The following PLPP4 variants were observed in gnomAD, a reference collection of about 807,000 sequenced individuals.
The protein encoded by PLPP4 is phospholipid phosphatase 4.
Under a neutral mutation model 32.2 loss-of-function variants are expected in PLPP4, and 20 were observed. The ratio of observed to expected loss-of-function variants is 0.62; its 90% CI spans 0.44 to 0.90. PLPP4 has a LOEUF of 0.90. PLPP4 is among the 40% of genes least tolerant of loss of function. The pLI, the probability that PLPP4 is intolerant of heterozygous loss-of-function variation, is 0.00. For missense variants in PLPP4, 257 were observed against 353.1 expected (o/e 0.73, Z 2.18); for synonymous variants, 127 against 133.0 (o/e 0.95, Z 0.31).
rs145561317 is a variant in PLPP4, at chr10:120,503,352, C to T, written c.57-466C>T. Reference sequence around the variant, plus strand: ...ACCCCTGCATCTCTGCCCCTTTCTTCCCCCCAGTTTTTCTCTTGGCAGTGA... The same window carrying T: ...ACCCCTGCATCTCTGCCCCTTTCTTTCCCCCAGTTTTTCTCTTGGCAGTGA... On this transcript the variant is annotated intron_variant, in intron 1 of 6. Transcript: ENST00000398250. 3.9e-3 allele frequency among the ~76,000 whole-genome samples: 592 copies of T among 152,308 alleles called. 7 individuals are homozygous for T. Among genetic ancestry groups the T allele is most frequent in the African/African-American group, 0.014 (568 of 41,560 alleles).
intron 1 of PLPP4, among the ~76,000 whole-genome samples, chr10:120,486,547 T>C (rs939239236): frequency 1.3e-5 from 2 of 152,244 alleles, no homozygotes; most frequent in African/African-American, 4.8e-5. Flanking sequence ...GGAATACATT[T>C]AAAGTGCTCA....
intron 5 of PLPP4, among the ~76,000 whole-genome samples, chr10:120,565,445 G>A (rs1848650896): frequency 6.6e-6 from 1 of 151,366 alleles, no homozygotes; most frequent in South Asian, 2.1e-4. Context: ...TGGAATTCTA[G>A]TTTGACAGTT....
intron 3 of PLPP4, among the ~76,000 whole-genome samples, chr10:120,517,976 G>A (rs1727692107): frequency 6.6e-6 from 1 of 152,188 alleles, no homozygotes; most frequent in African/African-American, 2.4e-5. Context: ...CAAAGCAGTG[G>A]ATGGGGCATC....
At chr10:120,512,722 A>G (rs574801670) in intron 2 of PLPP4, among the ~76,000 whole-genome samples, 13 of 152,334 alleles carry the variant, frequency 8.5e-5, no homozygotes, top group Admixed American at 5.9e-4. Context: ...CTGAGGCAGG[A>G]GAATTGCTTG....
At chr10:120,518,697 T>C in intron 3 of PLPP4, 136 bp from the exon 4 acceptor site, 1 of 654,946 alleles carries the variant, frequency 1.5e-6, no homozygotes, top group Non-Finnish European at 2.5e-6. Context: ...TATCTCTGTT[T>C]TCAAAGTATT....
rs1277364224 is a variant in PLPP4, at chr10:120,518,899, A to T, written c.320+3A>T. 6.2e-7 allele frequency: 1 copy of T among 1,608,734 alleles called. No individual in the cohort carries two copies. The highest frequency in any genetic ancestry group is 2.2e-5 in the East Asian group (1 of 44,782). ...ACTATTAAATTAATAGTGGGAAGGT[A>T]AGTTCCAAGAAGAATGAAATGGTGA... On this transcript the variant is annotated splice_donor_region_variant and intron_variant, in intron 4 of 6. Coordinates refer to ENST00000398250, the MANE Select transcript of PLPP4 (RefSeq NM_001030059.3).
chr10:120,489,915 TTA>T (rs1844635534), intron 1 of PLPP4, among the ~76,000 whole-genome samples: 1 of 152,104 alleles, frequency 6.6e-6, no homozygotes, highest in Admixed American at 6.5e-5. Context: ...CAACAAATAT[TTA>T]TTGAGCACCT....
intron 5 of PLPP4, among the ~76,000 whole-genome samples, chr10:120,553,590 C>T (rs957276409): frequency 2.6e-5 from 4 of 152,214 alleles, no homozygotes; most frequent in Admixed American, 2.6e-4. Flanking sequence ...ACAAATAGCA[C>T]AATGCAAATC....
chr10:120,487,393 G>A (rs370489026), intron 1 of PLPP4, among the ~76,000 whole-genome samples: 43 of 152,332 alleles, frequency 2.8e-4, no homozygotes, highest in Admixed American at 1.5e-3. Flanking sequence ...AAGCGGGATC[G>A]TTCTGATTGG....
At chr10:120,545,391 T>C (rs1263014986) in intron 5 of PLPP4, among the ~76,000 whole-genome samples, 1 of 152,230 alleles carries the variant, frequency 6.6e-6, no homozygotes, top group Non-Finnish European at 1.5e-5. Flanking sequence ...AAGGGACGAG[T>C]ATGATATTCT....
At chr10:120,499,175 T>C (rs1271723661) in intron 1 of PLPP4, among the ~76,000 whole-genome samples, 1 of 152,216 alleles carries the variant, frequency 6.6e-6, no homozygotes, top group Non-Finnish European at 1.5e-5. Flanking sequence ...CAAGGACGTC[T>C]GTCATTATGC....
chr10:120,508,127 G>C (rs1398336893), intron 2 of PLPP4, among the ~76,000 whole-genome samples: 2 of 152,056 alleles, frequency 1.3e-5, no homozygotes, highest in African/African-American at 4.8e-5. Context: ...TTGATACCAG[G>C]GTTTTCTATT....
At chr10:120,499,201 T>C (rs1325238877) in intron 1 of PLPP4, among the ~76,000 whole-genome samples, 1 of 152,236 alleles carries the variant, frequency 6.6e-6, no homozygotes, top group Non-Finnish European at 1.5e-5. Context: ...AGGAATATAC[T>C]GACACTTGCA....
At chr10:120,575,497 A>G (rs1849180758) in intron 6 of PLPP4, among the ~76,000 whole-genome samples, 196 bp downstream of exon 6, 1 of 152,184 alleles carries the variant, frequency 6.6e-6, no homozygotes, top group Non-Finnish European at 1.5e-5. Context: ...TGGGGAAAGA[A>G]TTGGAGCTCT....
At chr10:120,482,426 C>T (rs1844250094) in intron 1 of PLPP4, among the ~76,000 whole-genome samples, 1 of 152,064 alleles carries the variant, frequency 6.6e-6, no homozygotes, top group South Asian at 2.1e-4. Flanking sequence ...GCATTTTGCC[C>T]CTGCCCTAGA....
rs1308235029 is a variant in PLPP4 at position 120,591,073 on chromosome 10, G to C, written c.*1571G>C. ...CGTGAGCCACTGCACCTGGCCAAGA[G>C]TGTTGCTTTTGGGCAGTTAGCATAA... On this transcript the variant is annotated 3_prime_UTR_variant, in exon 7 of 7. Coordinates refer to ENST00000398250, the MANE Select transcript of PLPP4 (RefSeq NM_001030059.3). 6.6e-6 allele frequency among the ~76,000 whole-genome samples: 1 copy of C among 152,096 alleles called. No individual in the cohort carries two copies. The highest frequency in any genetic ancestry group is 1.5e-5 in the Non-Finnish European group (1 of 68,016).
At chr10:120,502,134 G>T (rs1462157858) in intron 1 of PLPP4, among the ~76,000 whole-genome samples, 2 of 152,194 alleles carry the variant, frequency 1.3e-5, no homozygotes, top group Non-Finnish European at 2.9e-5. Context: ...TTTAGGGCTG[G>T]TGAAGGGTTG....
chr10:120,578,244 G>A (rs548753723), intron 6 of PLPP4, among the ~76,000 whole-genome samples: 1 of 152,208 alleles, frequency 6.6e-6, no homozygotes, highest in Non-Finnish European at 1.5e-5. Context: ...GACCTCAAAG[G>A]TTTCCCACTG....
At position 120,590,959 on chromosome 10, in the gene PLPP4, G is replaced by C. The variant is rs1177783961; in HGVS notation, c.*1457G>C. ...AATTTTTGTATTTTTAGTAGACACG[G>C]GGTTTCACCACGTTGGCCAGGCTGG... On this transcript the variant is annotated 3_prime_UTR_variant, in exon 7 of 7. Coordinates refer to ENST00000398250, the MANE Select transcript of PLPP4 (RefSeq NM_001030059.3). Among the ~76,000 whole-genome samples, 3 of 151,928 alleles carry C rather than the reference G, an allele frequency of 2.0e-5. No individual in the cohort carries two copies. Among genetic ancestry groups the C allele is most frequent in the African/African-American group, 7.3e-5 (3 of 41,348 alleles).
Sources: allele counts gnomAD v4.1 joint callset (sites outside exome capture counted in the v4.1 genomes callset), GRCh38; gene constraint gnomAD v4.1.1; transcripts MANE v1.5; gene names NCBI Gene and HGNC (gene_info 2026-07-23, HGNC 2026-07-21).